The following CERK variants were observed in gnomAD, a reference collection of about 807,000 sequenced individuals.
CERK encodes acylsphingosine kinase.
CERK carries 39 observed loss-of-function variants against 63.4 expected under a neutral mutation model. The ratio of observed to expected loss-of-function variants is 0.61; its 90% CI spans 0.48 to 0.80. The LOEUF is 0.80. CERK is among the 30% of genes least tolerant of loss of function. The probability of loss-of-function intolerance (pLI) is 0.00; values close to 1 mark genes in which losing one functional copy is unlikely to be tolerated. For synonymous variants in CERK, 302 were observed against 280.0 expected (o/e 1.08, Z -0.78); for missense variants, 670 against 714.1 (o/e 0.94, Z 0.70).
At chr22:46,727,080 C>T (rs546331122) in intron 1 of CERK, among the ~76,000 whole-genome samples, 1 of 152,262 alleles carries the variant, frequency 6.6e-6, no homozygotes, top group East Asian at 1.9e-4. Flanking sequence ...AAATTTAGCC[C>T]AAAGACCTCT....
At chr22:46,713,503 C>G (rs1237151126) in intron 3 of CERK, among the ~76,000 whole-genome samples, 1 of 76,240 alleles carries the variant, frequency 1.3e-5, no homozygotes. Flanking sequence ...AGTGAGACTT[C>G]ATCTCAAAAA....
intron 1 of CERK, among the ~76,000 whole-genome samples, chr22:46,732,076 C>A (rs571773206): frequency 3.3e-5 from 5 of 152,060 alleles, no homozygotes; most frequent in Admixed American, 6.6e-5. Context: ...CCAAGGTCAG[C>A]GAGAAAGGAG....
chr22:46,712,193 T>G lies in CERK; in HGVS notation c.480A>C (p.Leu160Phe). 2 of 1,614,258 alleles carry G rather than the reference T, an allele frequency of 1.2e-6. No individual in the cohort carries two copies. Among genetic ancestry groups the G allele is most frequent in the Non-Finnish European group, 1.7e-6 (2 of 1,180,038 alleles). ...YERKVAPLFT[L>F]ASITTDIIVT... ...CGATGATGTCAGTGGTGATGGAGGC[T>G]AAGGTGAACAGTGGTGCCACTTTTC... Residue 160 changes from leucine to phenylalanine, a missense_variant, in exon 4 of 13, where the codon TTA (leucine) becomes TTC (phenylalanine). Physicochemically the swap from Leu to Phe is conservative, Grantham distance 22. Coordinates refer to ENST00000216264, the MANE Select transcript of CERK (RefSeq NM_022766.6).
In CERK at chr22:46,697,628, C is replaced by G. The variant is rs1320749231; in HGVS notation, c.943+1685G>C. Among the ~76,000 whole-genome samples, 4 of 152,182 alleles carry G rather than the reference C, an allele frequency of 2.6e-5. No individual in the cohort carries two copies. The East Asian group carries it at 7.7e-4, about 29-fold the overall frequency. On this transcript the variant is annotated intron_variant, in intron 8 of 12. Transcript: ENST00000216264. ...TCAAGCAATTCTCCTGCCTCAGCCC[C>G]CCGAGGAGCTGTGACTATAGGTGTG... is the stretch of plus-strand genomic sequence containing the variant.
intron 7 of CERK, 72 bp from the exon 8 acceptor site, chr22:46,699,537 A>C: frequency 7.0e-7 from 1 of 1,436,862 alleles, no homozygotes; most frequent in Non-Finnish European, 9.7e-7. Flanking sequence ...ATCCCCTTCA[A>C]TAGCACTTTG....
chr22:46,711,195 G>C (rs372971042), intron 4 of CERK, 46 bp from the exon 5 acceptor site: 17 of 1,418,022 alleles, frequency 1.2e-5, no homozygotes, highest in Middle Eastern at 1.7e-4. Flanking sequence ...ACATCTGTGA[G>C]TCCTCACGTA....
At chr22:46,710,388 T>C (rs951501996) in intron 5 of CERK, among the ~76,000 whole-genome samples, 2 of 150,996 alleles carry the variant, frequency 1.3e-5, no homozygotes, top group Non-Finnish European at 2.9e-5. Context: ...GGTCACGCCA[T>C]TGCACTCCAG....
intron 11 of CERK, 84 bp downstream of exon 11, chr22:46,691,488 G>T: frequency 3.5e-6 from 4 of 1,134,418 alleles, no homozygotes; most frequent in Non-Finnish European, 5.0e-6. Flanking sequence ...ATTAAATAAT[G>T]AATTCCTACA....
At position 46,686,646 on chromosome 22, in the gene CERK, G is replaced by A. The variant is rs139719484; in HGVS notation, c.*488C>T. On this transcript the variant is annotated 3_prime_UTR_variant, in exon 13 of 13. Transcript: ENST00000216264. ...AGGATCAAGCAGCGATGTCCTAACC[G>A]TAAACGAAGAGGAAGGTGAAATGAA... The A allele has an allele frequency of 4.0e-3, 683 of 171,146 alleles. 5 individuals are homozygous for A. The highest frequency in any genetic ancestry group is 0.015 in the African/African-American group (647 of 41,944). 10.6% of individuals were successfully genotyped at this position (171,146 alleles called of 1,614,324 possible). A position where few individuals can be genotyped will look rare whatever the true frequency, so the allele number is the denominator to read the frequency against.
intron 5 of CERK, among the ~76,000 whole-genome samples, chr22:46,709,819 T>G (rs1293822571): frequency 1.3e-5 from 2 of 152,170 alleles, no homozygotes; most frequent in Non-Finnish European, 2.9e-5. Flanking sequence ...TACATGAATT[T>G]GAAAACTTCT....
At chr22:46,737,056 G>A (rs565790560) in intron 1 of CERK, among the ~76,000 whole-genome samples, 1 of 152,314 alleles carries the variant, frequency 6.6e-6, no homozygotes, top group African/African-American at 2.4e-5. Context: ...CACTTTGAGA[G>A]GCTGAGGTGG....
intron 6 of CERK, among the ~76,000 whole-genome samples, chr22:46,706,822 T>C (rs1017281038): frequency 1.3e-5 from 2 of 152,148 alleles, no homozygotes; most frequent in East Asian, 1.9e-4. Context: ...AATGTCACCA[T>C]CCGTGGGGAA....
In CERK at chr22:46,686,231, C is replaced by A. The variant is rs1045389500; in HGVS notation, c.*903G>T. 6.6e-6 allele frequency: 1 copy of A among 152,212 alleles called. No homozygotes were observed. The highest frequency in any genetic ancestry group is 2.4e-5 in the African/African-American group (1 of 41,440). 9.4% of individuals were successfully genotyped at this position (152,212 alleles called of 1,614,324 possible). On this transcript the variant is annotated 3_prime_UTR_variant, in exon 13 of 13. Transcript: ENST00000216264. ...GTGTGAAGAAAAGACAAGGACAAAT[C>A]TGGACCACGTGTACAGACTTCAGGC...
Position 46,687,174 on chromosome 22 carries a change from C to T in CERK, c.1574G>A (p.Arg525Gln), listed in dbSNP as rs777790951. 3.3e-5 allele frequency: 54 copies of T among 1,614,068 alleles called. No homozygotes were observed. The highest frequency in any genetic ancestry group is 4.2e-5 in the Non-Finnish European group (49 of 1,180,048). The part of the protein sequence containing the change: ...VHCQLVRLFA[R>Q]GIEENPKPDS... ...TGGCTTCGGATTCTCTTCAATTCCT[C>T]GTGCAAAGAGTCGAACCAGCTGGCA... The change falls in exon 13 of 13, where the codon CGA (arginine) becomes CAA (glutamine). Residue 525 changes from arginine (R) to glutamine (Q), a missense_variant. Transcript: ENST00000216264.
chr22:46,689,903 G>A (rs1183250852), intron 12 of CERK, 89 bp downstream of exon 12: 23 of 909,496 alleles, frequency 2.5e-5, no homozygotes, highest in South Asian at 1.0e-4. Flanking sequence ...AAGCCCCAGG[G>A]AACCCCCCAC....
chr22:46,691,800 G>C, intron 10 of CERK, 23 bp from the exon 11 acceptor site: 1 of 1,592,260 alleles, frequency 6.3e-7, no homozygotes. Context: ...GAACCACGGA[G>C]ATGTCACAGT....
At chr22:46,716,702 G>A (rs2082868125) in intron 3 of CERK, among the ~76,000 whole-genome samples, 1 of 151,842 alleles carries the variant, frequency 6.6e-6, no homozygotes, top group Non-Finnish European at 1.5e-5. Context: ...ACTTTGGGAG[G>A]CTGAGGCAGG....
chr22:46,719,928 A>C (rs9627540), intron 3 of CERK, among the ~76,000 whole-genome samples, 158 bp downstream of exon 3: 24,309 of 152,114 alleles, frequency 0.16, 2,919 homozygotes, highest in African/African-American at 0.34. Flanking sequence ...ATTCACTGGG[A>C]TGGTCTGCTC....
chr22:46,690,412 T>TCCCGGCGCCCACCTTC (rs1481085288), intron 11 of CERK, among the ~76,000 whole-genome samples: 1 of 151,258 alleles, frequency 6.6e-6, no homozygotes, highest in Non-Finnish European at 1.5e-5. Flanking sequence ...CACCCACCTT[T>TCCCGGCGCCCACCTTC]CCCGGCGCCC....
Sources: allele counts gnomAD v4.1 joint callset (sites outside exome capture counted in the v4.1 genomes callset), GRCh38; gene constraint gnomAD v4.1.1; transcripts MANE v1.5; gene names NCBI Gene and HGNC (gene_info 2026-07-23, HGNC 2026-07-21).